SAR1B: variants seen among roughly 807,000 people sequenced by gnomAD.
The protein encoded by SAR1B is secretion associated Ras related GTPase 1B, also known as small COPII coat GTPase SAR1B.
SAR1B carries 23 observed loss-of-function variants against 26.8 expected under a neutral mutation model. The observed-to-expected ratio is 0.86, with a 90% CI of 0.62 to 1.22. The LOEUF is 1.22. SAR1B is among the 50% of genes most tolerant of loss of function. The pLI is 0.00. For missense variants in SAR1B, 196 were observed against 232.8 expected, an observed-to-expected ratio of 0.84 and a Z score of 1.03; for synonymous variants, 65 against 80.8, an observed-to-expected ratio of 0.80 and a Z score of 1.05.
intron 2 of SAR1B, among the ~76,000 whole-genome samples, chr5:134,622,132 T>C (rs1765419557): frequency 6.6e-6 from 1 of 152,234 alleles, no homozygotes. Context: ...AATTATAGTT[T>C]CAGGCCATCC....
chr5:134,620,874 G>A (rs1349230932), intron 3 of SAR1B, 59 bp downstream of exon 3: 1 of 1,595,286 alleles, frequency 6.3e-7, no homozygotes, highest in Non-Finnish European at 8.6e-7. Context: ...CTTTTGGTTA[G>A]TGCATATGAC....
chr5:134,628,576 GA>G (rs1181836825), intron 1 of SAR1B, among the ~76,000 whole-genome samples: 4 of 152,070 alleles, frequency 2.6e-5, no homozygotes, highest in African/African-American at 9.7e-5. Flanking sequence ...TGCAGTTTGG[GA>G]GGCGAAGGCA....
At chr5:134,625,583 A>G (rs1765481206) in intron 1 of SAR1B, among the ~76,000 whole-genome samples, 1 of 152,178 alleles carries the variant, frequency 6.6e-6, no homozygotes, top group Non-Finnish European at 1.5e-5. Flanking sequence ...AGAGAGGTGA[A>G]AGGAGTGCCA....
chr5:134,621,174 T>C, intron 2 of SAR1B, 122 bp from the exon 3 acceptor site: 1 of 1,160,592 alleles, frequency 8.6e-7, no homozygotes, highest in Non-Finnish European at 1.2e-6. Flanking sequence ...AAAAGCTATT[T>C]TAAATCTATT....
chr5:134,626,981 TA>T lies in SAR1B; in HGVS notation c.-18-2945del, dbSNP rs1268827396. On this transcript the variant is annotated intron_variant, in intron 1 of 6. Coordinates refer to ENST00000402673, the MANE Select transcript of SAR1B (RefSeq NM_016103.4). ...CAAAAAAGCTATTATAGAAAAATTT[TA>T]AAAGCAAATTTTAAAAAGCTTATAT... Among the ~76,000 whole-genome samples, 3 of 152,330 alleles carry T rather than the reference TA, an allele frequency of 2.0e-5. No individual in the cohort carries two copies. In the East Asian group the frequency reaches 5.8e-4, roughly 29 times the overall value.
Position 134,606,786 on chromosome 5 carries a change from C to G in SAR1B, c.*164G>C. The G allele has an allele frequency of 1.6e-6, 1 of 643,886 alleles. No individual in the cohort carries two copies. The highest frequency in any genetic ancestry group is 2.9e-5 in the East Asian group (1 of 34,120). 39.9% of individuals were successfully genotyped at this position (643,886 alleles called of 1,614,324 possible). ...TTGTGATACTCAAACTTACTTGAAT[C>G]AGTTTTCAATTCTCATTCAAATTAA... On this transcript the variant is annotated 3_prime_UTR_variant, in exon 7 of 7. Coordinates refer to ENST00000402673, the MANE Select transcript of SAR1B (RefSeq NM_016103.4).
chr5:134,629,752 G>T lies in SAR1B; in HGVS notation c.-19+2976C>A, dbSNP rs1414711738. ...AAAAAAACAATTAGCTGGGTGTGGT[G>T]GTAGGCACCTGTAGTTCCATCTACT... On this transcript the variant is annotated intron_variant, in intron 1 of 6. Coordinates refer to ENST00000402673, the MANE Select transcript of SAR1B (RefSeq NM_016103.4). 3.3e-5 allele frequency among the ~76,000 whole-genome samples: 5 copies of T among 151,354 alleles called. No individual in the cohort carries two copies. In the Admixed American group the frequency reaches 3.3e-4, roughly 10 times the overall value.
intron 4 of SAR1B, among the ~76,000 whole-genome samples, chr5:134,610,282 C>T (rs1443183077): frequency 6.6e-6 from 1 of 152,052 alleles, no homozygotes; most frequent in Non-Finnish European, 1.5e-5. Flanking sequence ...GCCTGGACAA[C>T]ATAGTGAAAC....
At chr5:134,630,547 C>T (rs867088521) in intron 1 of SAR1B, among the ~76,000 whole-genome samples, 1 of 151,088 alleles carries the variant, frequency 6.6e-6, no homozygotes, top group Non-Finnish European at 1.5e-5. Context: ...CTTTAGGAGG[C>T]CAAGCCGGAC....
intron 3 of SAR1B, among the ~76,000 whole-genome samples, chr5:134,620,377 T>G (rs1479181263): frequency 2.0e-5 from 3 of 152,064 alleles, no homozygotes; most frequent in Non-Finnish European, 4.4e-5. Context: ...TTACCAATCA[T>G]GTCACAATCC....
chr5:134,628,159 A>C (rs959669360), intron 1 of SAR1B, among the ~76,000 whole-genome samples: 1 of 152,076 alleles, frequency 6.6e-6, no homozygotes, highest in African/African-American at 2.4e-5. Flanking sequence ...AAAAAGAAAA[A>C]AAATACATAT....
intron 2 of SAR1B, 138 bp downstream of exon 2, chr5:134,623,824 C>T (rs961641204): frequency 5.0e-5 from 34 of 679,404 alleles, no homozygotes; most frequent in African/African-American, 2.2e-4. Context: ...AATTGAACAT[C>T]TATGTATGAT....
intron 1 of SAR1B, among the ~76,000 whole-genome samples, chr5:134,625,095 G>A (rs1436631510): frequency 1.3e-5 from 2 of 152,208 alleles, no homozygotes; most frequent in Non-Finnish European, 2.9e-5. Flanking sequence ...CTAAGATTAG[G>A]AGGAAAGATG....
At position 134,602,534 on chromosome 5, in the gene SAR1B, T is replaced by A. The variant is rs1230889642; in HGVS notation, c.*4416A>T. On this transcript the variant is annotated 3_prime_UTR_variant, in exon 7 of 7. Transcript: ENST00000402673. The stretch of plus-strand genomic sequence containing the variant: ...CTTCTTTTATTTGGTTAAAAAGCAC[T>A]AACTTGAATTTCAAAAGAAGGATAA... The A allele has an allele frequency of 1.3e-5, 2 of 152,140 alleles. No homozygotes were observed. Among genetic ancestry groups the A allele is most frequent in the Non-Finnish European group, 2.9e-5 (2 of 68,026 alleles). The allele number at this position is 152,140 out of a possible 1,614,324, so 9.4% of individuals were successfully genotyped here.
chr5:134,624,167 G>GTA, intron 1 of SAR1B, 130 bp from the exon 2 acceptor site: 2 of 674,522 alleles, frequency 3.0e-6, no homozygotes, highest in Non-Finnish European at 5.5e-6. Context: ...TACACACTTT[G>GTA]GGAAGCTGAG....
intron 4 of SAR1B, among the ~76,000 whole-genome samples, chr5:134,612,436 A>G (rs1035316998): frequency 1.9e-4 from 29 of 152,084 alleles, no homozygotes; most frequent in Non-Finnish European, 3.8e-4. Context: ...AGTGACTGTA[A>G]GAGTAAGAGA....
chr5:134,622,910 T>C (rs1313744201), intron 2 of SAR1B, among the ~76,000 whole-genome samples: 1 of 148,838 alleles, frequency 6.7e-6, no homozygotes, highest in African/African-American at 2.5e-5. Flanking sequence ...ACATTTGAGG[T>C]CAGGAGTTCG....
intron 1 of SAR1B, among the ~76,000 whole-genome samples, chr5:134,624,877 C>T (rs1765470711): frequency 6.6e-6 from 1 of 152,166 alleles, no homozygotes; most frequent in African/African-American, 2.4e-5. Flanking sequence ...ATTCGCCTGC[C>T]TCAGCCTCCA....
chr5:134,624,475 C>A (rs529755693), intron 1 of SAR1B, among the ~76,000 whole-genome samples: 1 of 152,110 alleles, frequency 6.6e-6, no homozygotes, highest in African/African-American at 2.4e-5. Flanking sequence ...GAACCGAGAT[C>A]GCACCACTGC....
Sources: gnomAD v4.1 joint callset for allele counts (sites outside exome capture counted in the v4.1 genomes callset) on GRCh38, gnomAD v4.1.1 for gene constraint, MANE v1.5 for transcripts, NCBI Gene and HGNC (gene_info 2026-07-23, HGNC 2026-07-21) for gene names.